KCNAB1: variants seen among roughly 807,000 people sequenced by gnomAD.
KCNAB1 encodes the protein voltage-gated potassium channel subunit beta-1.
In KCNAB1, 35 loss-of-function variants were observed where a neutral mutation model predicts 64.6. The ratio of observed to expected loss-of-function variants is 0.54; its 90% CI spans 0.41 to 0.72. KCNAB1 has a LOEUF of 0.72. Ranked by LOEUF, KCNAB1 falls within the 30% of genes least tolerant of loss-of-function variation. The pLI is 0.00. For synonymous variants in KCNAB1, 177 were observed against 183.8 expected (o/e 0.96, Z 0.30); for missense variants, 401 against 512.9 (o/e 0.78, Z 2.11).
chr3:156,266,020 T>G (rs1718682157), intron 1 of KCNAB1, among the ~76,000 whole-genome samples: 1 of 151,968 alleles, frequency 6.6e-6, no homozygotes, highest in Admixed American at 6.6e-5. Flanking sequence ...CAAAAAAAAC[T>G]GTGAATATAA....
rs74639309 is a variant in KCNAB1, at chr3:156,430,704, G to A, written c.319+9045G>A. 4.0e-3 allele frequency among the ~76,000 whole-genome samples: 613 copies of A among 152,100 alleles called. 2 individuals carry two copies. Among genetic ancestry groups the A allele is most frequent in the Non-Finnish European group, 6.4e-3 (436 of 67,982 alleles). ...TCCACTAGCAGCCTCGTCCCTTATGGCCCATCTACTTCCAGCCTCCAAGCA... is the reference window on the plus strand; with the variant it reads ...TCCACTAGCAGCCTCGTCCCTTATGACCCATCTACTTCCAGCCTCCAAGCA... On this transcript the variant is annotated intron_variant, in intron 2 of 13. Transcript: ENST00000490337.
At chr3:156,405,625 A>AT (rs1255248713) in intron 1 of KCNAB1, among the ~76,000 whole-genome samples, 7 of 152,294 alleles carry the variant, frequency 4.6e-5, no homozygotes, top group Middle Eastern at 3.4e-3. Flanking sequence ...TTTAGTGACT[A>AT]TTTTTAGGCT....
At chr3:156,456,055 C>T (rs1363112085) in intron 3 of KCNAB1, 1 of 152,172 alleles carries the variant, frequency 6.6e-6, no homozygotes, top group Non-Finnish European at 1.5e-5. Context: ...AAATCAACCC[C>T]ATTTTGCAAA....
chr3:156,321,620 T>C (rs1722666355), intron 1 of KCNAB1, among the ~76,000 whole-genome samples: 1 of 152,222 alleles, frequency 6.6e-6, no homozygotes, highest in South Asian at 2.1e-4. Context: ...TATGTGGGTA[T>C]TTTGGGAATG....
At chr3:156,213,405 G>T (rs1354452794) in intron 1 of KCNAB1, among the ~76,000 whole-genome samples, 2 of 151,966 alleles carry the variant, frequency 1.3e-5, no homozygotes, top group Non-Finnish European at 2.9e-5. Context: ...GTAGAGACAG[G>T]GTCTCACTAT....
intron 12 of KCNAB1, among the ~76,000 whole-genome samples, chr3:156,530,897 A>G (rs1430808794): frequency 6.6e-6 from 1 of 152,172 alleles, no homozygotes; most frequent in Non-Finnish European, 1.5e-5. Context: ...GAATCCAGCC[A>G]TCTGCTGGTG....
intron 8 of KCNAB1, among the ~76,000 whole-genome samples, chr3:156,495,379 G>A (rs543820974): frequency 1.3e-5 from 2 of 152,126 alleles, no homozygotes; most frequent in Admixed American, 6.6e-5. Flanking sequence ...CCATTACTGG[G>A]TATGTATCCA....
intron 2 of KCNAB1, among the ~76,000 whole-genome samples, chr3:156,443,739 TACACACACACACACACAC>T (rs71141708): frequency 1.4e-5 from 2 of 141,734 alleles, no homozygotes; most frequent in East Asian, 2.1e-4. Flanking sequence ...ATTTAGTCCT[TACACACACACACACACAC>T]ACACACACAC....
chr3:156,331,820 C>A (rs1723352814), intron 1 of KCNAB1, among the ~76,000 whole-genome samples: 1 of 152,114 alleles, frequency 6.6e-6, no homozygotes, highest in African/African-American at 2.4e-5. Flanking sequence ...TTGATGAATT[C>A]CCCATGAACC....
chr3:156,200,059 T>G (rs1400996293), intron 1 of KCNAB1, among the ~76,000 whole-genome samples: 2 of 152,234 alleles, frequency 1.3e-5, no homozygotes, highest in African/African-American at 4.8e-5. Context: ...TTGTTAGTTT[T>G]CCTTCTAACA....
chr3:156,326,671 C>A (rs1420446240), intron 1 of KCNAB1, among the ~76,000 whole-genome samples: 2 of 152,144 alleles, frequency 1.3e-5, no homozygotes, highest in Non-Finnish European at 2.9e-5. Flanking sequence ...TGCCTGAGGA[C>A]CTTTGCACTT....
At chr3:156,455,149 A>G (rs765949548) in intron 3 of KCNAB1, among the ~76,000 whole-genome samples, 4 of 152,314 alleles carry the variant, frequency 2.6e-5, no homozygotes, top group Non-Finnish European at 4.4e-5. Flanking sequence ...ATTTGAGCTC[A>G]ATGCTTTCCG....
intron 1 of KCNAB1, among the ~76,000 whole-genome samples, chr3:156,371,673 G>A (rs1726316576): frequency 6.6e-6 from 1 of 152,134 alleles, no homozygotes; most frequent in Non-Finnish European, 1.5e-5. Context: ...GGGCTTGAAT[G>A]TACTGCAGTG....
Position 156,438,508 on chromosome 3 carries a change from T to A in KCNAB1, c.320-14391T>A, listed in dbSNP as rs16826155. 9.6e-3 allele frequency among the ~76,000 whole-genome samples: 1,464 copies of A among 152,348 alleles called. 13 individuals carry two copies. Among genetic ancestry groups the A allele is most frequent in the African/African-American group, 0.034 (1,401 of 41,570 alleles). ...AAGACAGGTATGTGGTTAGAATTGATACATTCCAATGTCGACTGTGGCTTT... is the reference window on the plus strand; with the variant it reads ...AAGACAGGTATGTGGTTAGAATTGAAACATTCCAATGTCGACTGTGGCTTT... On this transcript the variant is annotated intron_variant, in intron 2 of 13. Coordinates refer to ENST00000490337, the MANE Select transcript of KCNAB1 (RefSeq NM_172160.3).
At chr3:156,416,471 C>T (rs976116131) in intron 1 of KCNAB1, among the ~76,000 whole-genome samples, 1 of 152,180 alleles carries the variant, frequency 6.6e-6, no homozygotes, top group Non-Finnish European at 1.5e-5. Context: ...TAAGTTTCTT[C>T]CTACTCTTCC....
intron 1 of KCNAB1, among the ~76,000 whole-genome samples, chr3:156,285,795 G>A (rs1023307461): frequency 1.3e-5 from 2 of 152,196 alleles, no homozygotes; most frequent in Non-Finnish European, 2.9e-5. Flanking sequence ...ATGAGCCACC[G>A]CACCCGGTCT....
chr3:156,387,308 T>G (rs1433241699), intron 1 of KCNAB1, among the ~76,000 whole-genome samples: 1 of 152,084 alleles, frequency 6.6e-6, no homozygotes, highest in African/African-American at 2.4e-5. Context: ...CCTTAGGGAA[T>G]GAGTACAGAG....
intron 1 of KCNAB1, among the ~76,000 whole-genome samples, chr3:156,220,284 A>G (rs1715627757): frequency 6.6e-6 from 1 of 152,198 alleles, no homozygotes; most frequent in African/African-American, 2.4e-5. Context: ...ATCCTTGAGG[A>G]ATCGCCACAC....
intron 1 of KCNAB1, among the ~76,000 whole-genome samples, chr3:156,178,621 T>G (rs931325041): frequency 1.3e-5 from 2 of 152,208 alleles, no homozygotes; most frequent in Non-Finnish European, 2.9e-5. Context: ...AGAATCTAAT[T>G]TATCTTTATT....
Sources: gnomAD v4.1 joint callset for allele counts (sites outside exome capture counted in the v4.1 genomes callset) on GRCh38, gnomAD v4.1.1 for gene constraint, MANE v1.5 for transcripts, NCBI Gene and HGNC (gene_info 2026-07-23, HGNC 2026-07-21) for gene names.